The following TDO2 variants were observed in gnomAD, a reference collection of about 807,000 sequenced individuals.
TDO2 encodes tryptamin 2,3-dioxygenase.
A neutral mutation model predicts 61.2 loss-of-function variants in TDO2; 63 were observed. That is an observed-to-expected ratio of 1.03 (90% CI 0.84 to 1.27). The LOEUF (loss-of-function observed/expected upper bound fraction) is 1.27. Ranked by LOEUF, TDO2 falls within the 50% of genes most tolerant of loss-of-function variation. The pLI, the probability that TDO2 is intolerant of heterozygous loss-of-function variation, is 0.00. For synonymous variants in TDO2, 183 were observed against 164.0 expected, an observed-to-expected ratio of 1.12 and a Z score of -0.89; for missense variants, 494 against 469.5, an observed-to-expected ratio of 1.05 and a Z score of -0.48.
chr4:155,911,360 A>C (rs1742825874), intron 6 of TDO2, 137 bp from the exon 7 acceptor site: 2 of 518,154 alleles, frequency 3.9e-6, no homozygotes, highest in Non-Finnish European at 6.6e-6. Flanking sequence ...AGAAATAAAA[A>C]ACATTTACAA....
intron 10 of TDO2, 114 bp downstream of exon 10, chr4:155,917,588 T>G: frequency 1.2e-6 from 1 of 807,322 alleles, no homozygotes; most frequent in Non-Finnish European, 1.9e-6. Context: ...CTCCTTTGTG[T>G]GTGGGTGCAT....
chr4:155,910,402 G>A (rs909322966), intron 6 of TDO2, among the ~76,000 whole-genome samples, 191 bp downstream of exon 6: 3 of 152,084 alleles, frequency 2.0e-5, no homozygotes, highest in Non-Finnish European at 2.9e-5. Flanking sequence ...CAAGAACCCT[G>A]CTGAGAACTT....
intron 3 of TDO2, chr4:155,905,480 A>T (rs1742702848): frequency 9.3e-6 from 2 of 216,100 alleles, no homozygotes; most frequent in Non-Finnish European, 1.8e-5. Flanking sequence ...ACACTAAAAA[A>T]CTATTTTCAA....
Position 155,920,298 on chromosome 4 carries a change from T to C in TDO2, c.*308T>C, listed in dbSNP as rs1743019779. ...TCTCATTGTTTCATCTTTATAAACTTGTAAACTTCATCTATTTCAAATATT... is the reference window on the plus strand; with the variant it reads ...TCTCATTGTTTCATCTTTATAAACTCGTAAACTTCATCTATTTCAAATATT... On this transcript the variant is annotated 3_prime_UTR_variant, in exon 12 of 12. Transcript: ENST00000536354. 1 of 297,980 alleles carries C rather than the reference T, an allele frequency of 3.4e-6. No homozygotes were observed. The highest frequency in any genetic ancestry group is 6.2e-6 in the Non-Finnish European group (1 of 161,458). 18.5% of individuals were successfully genotyped at this position (297,980 alleles called of 1,614,324 possible). A position where few individuals can be genotyped will look rare whatever the true frequency, so the allele number is the denominator to read the frequency against.
intron 11 of TDO2, 96 bp downstream of exon 11, chr4:155,918,335 G>C (rs1252073926): frequency 9.3e-7 from 1 of 1,077,086 alleles, no homozygotes; most frequent in African/African-American, 1.6e-5. Flanking sequence ...CATTTTATTT[G>C]CTCCTGTCTG....
intron 8 of TDO2, 119 bp downstream of exon 8, chr4:155,914,553 C>A: frequency 1.5e-6 from 1 of 653,514 alleles, no homozygotes. Flanking sequence ...TGATATTCTA[C>A]TGATAGAAAC....
intron 8 of TDO2, 130 bp from the exon 9 acceptor site, chr4:155,915,725 A>T: frequency 1.6e-6 from 1 of 626,652 alleles, no homozygotes; most frequent in Non-Finnish European, 2.6e-6. Flanking sequence ...GGGATAAAAA[A>T]TGTAAACTGA....
intron 7 of TDO2, among the ~76,000 whole-genome samples, chr4:155,912,687 A>G (rs546106550): frequency 1.3e-5 from 2 of 152,052 alleles, no homozygotes; most frequent in Non-Finnish European, 2.9e-5. Flanking sequence ...CTTTCATTAG[A>G]TGGTGTCATT....
At position 155,920,208 on chromosome 4, in the gene TDO2, G is replaced by C. The variant is rs1225701990; in HGVS notation, c.*218G>C. The stretch of plus-strand genomic sequence containing the variant: ...ATTTAAATAGTAACATTGTACATAG[G>C]GTGTTTTCCTATTAAAAATTCAGTT... On this transcript the variant is annotated 3_prime_UTR_variant, in exon 12 of 12. Transcript: ENST00000536354. 2.0e-6 allele frequency: 1 copy of C among 499,884 alleles called. No individual in the cohort carries two copies. The highest frequency in any genetic ancestry group is 2.0e-5 in the African/African-American group (1 of 50,328). The allele number at this position is 499,884 out of a possible 1,614,324, so 31.0% of individuals were successfully genotyped here.
At chr4:155,912,585 T>G (rs1742854529) in intron 7 of TDO2, among the ~76,000 whole-genome samples, 1 of 152,144 alleles carries the variant, frequency 6.6e-6, no homozygotes, top group Non-Finnish European at 1.5e-5. Flanking sequence ...TTTCTCTATC[T>G]CTTTTACTTG....
intron 6 of TDO2, 34 bp downstream of exon 6, chr4:155,910,245 A>G (rs770570430): frequency 6.8e-7 from 1 of 1,474,708 alleles, no homozygotes; most frequent in Non-Finnish European, 9.0e-7. Context: ...AGTTTAACTC[A>G]ATACATCTTC....
At chr4:155,918,441 T>A (rs1742984543) in intron 11 of TDO2, among the ~76,000 whole-genome samples, 1 of 152,212 alleles carries the variant, frequency 6.6e-6, no homozygotes, top group Non-Finnish European at 1.5e-5. Context: ...ACTGTTTTGA[T>A]CCTGTATGAA....
chr4:155,918,342 T>C, intron 11 of TDO2, 103 bp downstream of exon 11: 1 of 931,392 alleles, frequency 1.1e-6, no homozygotes, highest in Non-Finnish European at 1.7e-6. Flanking sequence ...TTTGCTCCTG[T>C]CTGAACTACT....
intron 2 of TDO2, among the ~76,000 whole-genome samples, chr4:155,904,434 G>A (rs368964002): frequency 2.0e-5 from 3 of 152,142 alleles, no homozygotes; most frequent in African/African-American, 7.2e-5. Context: ...GATAAGACAT[G>A]GTTAATAAAT....
chr4:155,919,906 G>A lies in TDO2; in HGVS notation c.1137G>A (p.Pro379=), dbSNP rs147390765. 262 of 1,613,512 alleles carry A rather than the reference G, an allele frequency of 1.6e-4. 1 individual carries two copies. The highest frequency in any genetic ancestry group is 8.8e-4 in the South Asian group (80 of 91,050). ...ACCTGATTCCCCGACACTGGATACCGAAGATGAACCCAACCATTCACAAAT... is the reference window on the plus strand; with the variant it reads ...ACCTGATTCCCCGACACTGGATACCAAAGATGAACCCAACCATTCACAAAT... ...STYLIPRHWI[P]KMNPTIHKFL... Residue 379 remains proline, a synonymous_variant, in exon 12 of 12, where the codon CCG becomes CCA. Coordinates refer to ENST00000536354, the MANE Select transcript of TDO2 (RefSeq NM_005651.4).
rs1173881185 is a variant in TDO2 at position 155,907,622 on chromosome 4, A to G, written c.233-100A>G. 4 of 753,764 alleles carry G rather than the reference A, an allele frequency of 5.3e-6. No homozygotes were observed. In the Admixed American group the frequency reaches 7.5e-5, roughly 14 times the overall value. The allele number at this position is 753,764 out of a possible 1,614,324, so 46.7% of individuals were successfully genotyped here. ...TTACATTTATTGATTTTAAGGTAAC[A>G]TTTTAATTTCTCTTTCAACATGTTA... On this transcript the variant is annotated intron_variant, in intron 3 of 11. Transcript: ENST00000536354.
chr4:155,908,121 G>A (rs567447900), intron 4 of TDO2, among the ~76,000 whole-genome samples: 2 of 152,216 alleles, frequency 1.3e-5, no homozygotes, highest in South Asian at 4.1e-4. Flanking sequence ...TATTTCTACT[G>A]AATATTAGCT....
rs1742977975 is a variant in TDO2, at chr4:155,918,192, T to C, written c.1020T>C (p.Ala340=). The C allele has an allele frequency of 1.2e-6, 2 of 1,613,962 alleles. No homozygotes were observed. The highest frequency in any genetic ancestry group is 1.7e-6 in the Non-Finnish European group (2 of 1,179,954). ...CMVHRMLGSK[A]GTGGSSGYHY... ...TGCACAGAATGCTGGGCAGCAAAGC[T>C]GGCACCGGTGGTTCCTCAGGCTATC... Residue 340 remains alanine, a synonymous_variant, in exon 11 of 12, where the codon GCT becomes GCC. Transcript: ENST00000536354.
At chr4:155,905,202 C>T (rs1218433363) in intron 3 of TDO2, 45 bp downstream of exon 3, 7 of 1,357,756 alleles carry the variant, frequency 5.2e-6, no homozygotes, top group Non-Finnish European at 7.1e-6. Context: ...AGGCATTTCT[C>T]ATTGATAACG....
Sources: allele counts gnomAD v4.1 joint callset (sites outside exome capture counted in the v4.1 genomes callset), GRCh38; gene constraint gnomAD v4.1.1; transcripts MANE v1.5; gene names NCBI Gene and HGNC (gene_info 2026-07-23, HGNC 2026-07-21).